Variants in NR2C2 observed in about 807,000 individuals in gnomAD.
The protein encoded by NR2C2 is nuclear receptor subfamily 2 group C member 2.
Under a neutral mutation model 62.9 loss-of-function variants are expected in NR2C2, and 6 were observed. The ratio of observed to expected loss-of-function variants is 0.10; its 90% confidence interval spans 0.05 to 0.19. The LOEUF is 0.19. Ranked by LOEUF, NR2C2 falls within the 10% of genes least tolerant of loss-of-function variation. The pLI is 1.00. For missense variants in NR2C2, 479 were observed against 762.7 expected, an observed-to-expected ratio of 0.63 and a Z score of 4.38; for synonymous variants, 272 against 273.8, an observed-to-expected ratio of 0.99 and a Z score of 0.07.
Position 15,035,394 on chromosome 3 carries a change from A to C in NR2C2, c.1372+585A>C, listed in dbSNP as rs1013268131. Among the ~76,000 whole-genome samples, 4 of 152,396 alleles carry C rather than the reference A, an allele frequency of 2.6e-5. No homozygotes were observed. In the East Asian group the frequency reaches 5.8e-4, roughly 22 times the overall value. On this transcript the variant is annotated intron_variant, in intron 11 of 13. Coordinates refer to ENST00000425241, the MANE Select transcript of NR2C2 (RefSeq NM_001291694.2). ...TATGAAGAAAAAAATGGAAAAGGTCAACTTCTTGATAGGCATTTAGTGATG... is the reference window on the plus strand; with the variant it reads ...TATGAAGAAAAAAATGGAAAAGGTCCACTTCTTGATAGGCATTTAGTGATG...
At chr3:15,024,424 A>AGTG in intron 7 of NR2C2, among the ~76,000 whole-genome samples, 1 of 152,322 alleles carries the variant, frequency 6.6e-6, no homozygotes, top group Non-Finnish European at 1.5e-5. Context: ...TAATCACTGT[A>AGTG]ACATGTCAGT....
At chr3:15,034,404 T>A (rs962747287) in intron 10 of NR2C2, 3 of 353,718 alleles carry the variant, frequency 8.5e-6, no homozygotes. Context: ...GTAATGATGG[T>A]TTGGCCATAC....
At chr3:14,964,499 T>C (rs1480910659) in intron 1 of NR2C2, among the ~76,000 whole-genome samples, 1 of 5,862 alleles carries the variant, frequency 1.7e-4, no homozygotes, top group African/African-American at 2.4e-3. Context: ...ATTTTTTTTA[T>C]TTTCTATTTT....
At chr3:15,006,003 C>T (rs924343610) in intron 2 of NR2C2, among the ~76,000 whole-genome samples, 3 of 151,846 alleles carry the variant, frequency 2.0e-5, no homozygotes, top group African/African-American at 7.3e-5. Context: ...CCCAGGAGTT[C>T]GAGACCAGCC....
intron 1 of NR2C2, among the ~76,000 whole-genome samples, chr3:14,975,680 T>C (rs1040155159): frequency 5.9e-5 from 9 of 152,124 alleles, no homozygotes; most frequent in Admixed American, 5.9e-4. Flanking sequence ...TAGTTTTCTT[T>C]TGGTGTCTTT....
chr3:15,009,469 A>C (rs1309893702), intron 2 of NR2C2, among the ~76,000 whole-genome samples: 1 of 152,218 alleles, frequency 6.6e-6, no homozygotes, highest in East Asian at 1.9e-4. Flanking sequence ...CATTATACTC[A>C]AATTATTTAC....
In NR2C2 at chr3:15,025,168, G is replaced by A. The variant is rs537170760; in HGVS notation, c.798+960G>A. ...AGTGGCTCTGACTGCATGGTCAAAT[G>A]CAGAGAAAGCGTAAGCCTGAAAGTA... On this transcript the variant is annotated intron_variant, in intron 7 of 13. Transcript: ENST00000425241. 2.2e-4 allele frequency among the ~76,000 whole-genome samples: 33 copies of A among 152,326 alleles called. 4 individuals are homozygous for A. The highest frequency in any genetic ancestry group is 2.1e-3 in the South Asian group (10 of 4,824).
At chr3:14,986,187 T>G (rs1049333091) in intron 1 of NR2C2, among the ~76,000 whole-genome samples, 3 of 152,094 alleles carry the variant, frequency 2.0e-5, no homozygotes, top group Admixed American at 2.0e-4. Flanking sequence ...GCAAATAACT[T>G]ACAAAAATCA....
intron 10 of NR2C2, 27 bp downstream of exon 10, chr3:15,032,527 T>C: frequency 6.2e-7 from 1 of 1,614,164 alleles, no homozygotes. Flanking sequence ...TGTGCATGTA[T>C]CCTCGGGCAG....
intron 1 of NR2C2, among the ~76,000 whole-genome samples, chr3:14,989,724 G>A (rs1344533919): frequency 6.6e-6 from 1 of 151,888 alleles, no homozygotes; most frequent in Non-Finnish European, 1.5e-5. Context: ...CATGAGGTCA[G>A]GAGCTTGAGA....
intron 1 of NR2C2, among the ~76,000 whole-genome samples, chr3:14,989,924 C>CAAAAAAAAA (rs34980642): frequency 2.0e-5 from 1 of 51,010 alleles, no homozygotes; most frequent in Admixed American, 2.6e-4. Flanking sequence ...GACTCCATCT[C>CAAAAAAAAA]AAAAAAAAAA....
At chr3:14,992,393 C>G (rs1574972588) in intron 1 of NR2C2, among the ~76,000 whole-genome samples, 1 of 152,030 alleles carries the variant, frequency 6.6e-6, no homozygotes, top group East Asian at 1.9e-4. Flanking sequence ...CAGACAGGCA[C>G]AAGAGTAGAG....
intron 4 of NR2C2, among the ~76,000 whole-genome samples, chr3:15,017,903 G>C (rs1042338909): frequency 1.3e-5 from 2 of 152,202 alleles, no homozygotes; most frequent in African/African-American, 4.8e-5. Flanking sequence ...AAACAAGACA[G>C]AATCAGAAGA....
Position 15,043,087 on chromosome 3 carries a change from G to GT in NR2C2, c.*80dup. The GT allele has an allele frequency of 4.3e-6, 6 of 1,392,358 alleles. No homozygotes were observed. Among genetic ancestry groups the GT allele is most frequent in the Non-Finnish European group, 5.8e-6 (6 of 1,032,284 alleles). The allele number at this position is 1,392,358 out of a possible 1,614,324, so 86.3% of individuals were successfully genotyped here. On this transcript the variant is annotated 3_prime_UTR_variant, in exon 14 of 14. Coordinates refer to ENST00000425241, the MANE Select transcript of NR2C2 (RefSeq NM_001291694.2). ...TACAAAGAAAAGTAGTGGTATTTTG[G>GT]TATGTGCAAATATTTCCATATGTTA... is the stretch of plus-strand genomic sequence containing the variant.
intron 2 of NR2C2, among the ~76,000 whole-genome samples, chr3:15,005,154 T>A (rs2041131287): frequency 6.6e-6 from 1 of 152,092 alleles, no homozygotes. Flanking sequence ...TTAGTGTTAG[T>A]TGCTAGCATG....
In NR2C2 at chr3:15,046,749, C is replaced by T. The variant is rs2042466135; in HGVS notation, c.*3741C>T. 1 of 152,702 alleles carries T rather than the reference C, an allele frequency of 6.5e-6. No homozygotes were observed. The highest frequency in any genetic ancestry group is 6.5e-5 in the Admixed American group (1 of 15,290). The allele number at this position is 152,702 out of a possible 1,614,324, so 9.5% of individuals were successfully genotyped here. A position where few individuals can be genotyped will look rare whatever the true frequency, so the allele number is the denominator to read the frequency against. On this transcript the variant is annotated 3_prime_UTR_variant, in exon 14 of 14. Transcript: ENST00000425241. ...GTCTCATCATCTGACAGCCACTTTT[C>T]TCCCAGGGAAGGCGGTGCCCACTGG...
intron 3 of NR2C2, among the ~76,000 whole-genome samples, chr3:15,014,636 A>C (rs1256314650): frequency 6.6e-6 from 1 of 152,026 alleles, no homozygotes; most frequent in Non-Finnish European, 1.5e-5. Context: ...GTACTCATTG[A>C]ATAGTAACTC....
chr3:15,016,738 T>C (rs1437415673), intron 4 of NR2C2, among the ~76,000 whole-genome samples: 3 of 152,176 alleles, frequency 2.0e-5, no homozygotes, highest in Non-Finnish European at 4.4e-5. Flanking sequence ...CAGTCGCACC[T>C]GGGAGCCTTG....
At chr3:14,977,297 C>A (rs1301047932) in intron 1 of NR2C2, among the ~76,000 whole-genome samples, 1 of 152,144 alleles carries the variant, frequency 6.6e-6, no homozygotes, top group Non-Finnish European at 1.5e-5. Flanking sequence ...TTATTGAACT[C>A]ATTTTAGAGG....
Sources: allele counts gnomAD v4.1 joint callset (sites outside exome capture counted in the v4.1 genomes callset), GRCh38; gene constraint gnomAD v4.1.1; transcripts MANE v1.5; gene names NCBI Gene and HGNC (gene_info 2026-07-23, HGNC 2026-07-21).